IRAG2: variants seen among roughly 807,000 people sequenced by gnomAD.
IRAG2 encodes the protein lymphoid restricted membrane protein.
A neutral mutation model predicts 69.9 loss-of-function variants in IRAG2; 45 were observed. The observed-to-expected ratio is 0.64, with a 90% CI of 0.51 to 0.83. The LOEUF is 0.83. IRAG2 is among the 40% of genes least tolerant of loss of function. The pLI is 0.00. For synonymous variants in IRAG2, 193 were observed against 202.4 expected (o/e 0.95, Z 0.40); for missense variants, 520 against 587.0 (o/e 0.89, Z 1.18).
At chr12:25,094,638 T>G (rs1035208995) in intron 14 of IRAG2, among the ~76,000 whole-genome samples, 1 of 152,188 alleles carries the variant, frequency 6.6e-6, no homozygotes, top group African/African-American at 2.4e-5. Context: ...GAGATGCCCT[T>G]GAATCTGTGT....
intron 1 of IRAG2, among the ~76,000 whole-genome samples, chr12:25,053,523 AT>A (rs1945000300): frequency 6.6e-6 from 1 of 151,892 alleles, no homozygotes; most frequent in Admixed American, 6.6e-5. Context: ...AATATTTGTC[AT>A]TTTTCTGTAT....
intron 1 of IRAG2, among the ~76,000 whole-genome samples, chr12:25,056,526 C>G (rs935303854): frequency 6.6e-6 from 1 of 152,186 alleles, no homozygotes; most frequent in Non-Finnish European, 1.5e-5. Flanking sequence ...ATCACATTGC[C>G]TCTCTGAGCT....
chr12:25,037,926 G>A (rs859201), intron 15 of IRAG2: 86 of 398,382 alleles, frequency 2.2e-4, no homozygotes, highest in African/African-American at 1.2e-3. Flanking sequence ...TCATTTGTCC[G>A]TGTTTAACAT....
At chr12:25,010,292 C>T (rs1944464319) in intron 2 of IRAG2, among the ~76,000 whole-genome samples, 1 of 152,148 alleles carries the variant, frequency 6.6e-6, no homozygotes, top group African/African-American at 2.4e-5. Flanking sequence ...GCCTGGGCAA[C>T]ATGGTGGAAT....
chr12:25,004,613 T>G, exon 1 of IRAG2: 1 of 1,232,096 alleles, frequency 8.1e-7, no homozygotes, highest in Non-Finnish European at 1.0e-6. Flanking sequence ...TCGCCTCAAA[T>G]AATATCTCCA....
At chr12:25,005,078 A>G (rs2139813614) in intron 1 of IRAG2, among the ~76,000 whole-genome samples, 1 of 152,242 alleles carries the variant, frequency 6.6e-6, no homozygotes, top group Non-Finnish European at 1.5e-5. Context: ...ACAAAACAGA[A>G]CGTCATGATG....
chr12:25,040,359 G>A (rs561084374), intron 16 of IRAG2, among the ~76,000 whole-genome samples: 1 of 152,218 alleles, frequency 6.6e-6, no homozygotes, highest in Non-Finnish European at 1.5e-5. Context: ...AATTTTAAAT[G>A]AGCTGGGCAT....
intron 1 of IRAG2, among the ~76,000 whole-genome samples, chr12:25,055,922 C>A (rs1005665846): frequency 2.0e-5 from 3 of 152,156 alleles, no homozygotes; most frequent in Non-Finnish European, 4.4e-5. Flanking sequence ...CTCTTGTTCC[C>A]ATCTGACGTG....
chr12:25,073,141 A>G (rs1404010280), intron 6 of IRAG2, among the ~76,000 whole-genome samples: 2 of 152,208 alleles, frequency 1.3e-5, no homozygotes, highest in East Asian at 3.9e-4. Context: ...CCAACTCAGA[A>G]AAAAACTAAG....
rs1945643437 is a variant in IRAG2, at chr12:25,061,615, G to T, written c.-423G>T. On this transcript the variant is annotated 5_prime_UTR_variant, in exon 2 of 22. Transcript: ENST00000556887. ...AGCAACAATTGAGTCACTTCAAAAG[G>T]AGTTCATTGAAGGGGAACACCATGG... is the stretch of plus-strand genomic sequence containing the variant. 2 of 398,456 alleles carry T rather than the reference G, an allele frequency of 5.0e-6. No homozygotes were observed. Among genetic ancestry groups the T allele is most frequent in the Non-Finnish European group, 8.8e-6 (2 of 226,050 alleles). 24.7% of individuals were successfully genotyped at this position (398,456 alleles called of 1,614,324 possible). A position where few individuals can be genotyped will look rare whatever the true frequency, so the allele number is the denominator to read the frequency against.
At chr12:25,008,572 C>G (rs1446594902) in intron 2 of IRAG2, among the ~76,000 whole-genome samples, 3 of 152,092 alleles carry the variant, frequency 2.0e-5, no homozygotes, top group African/African-American at 4.8e-5. Flanking sequence ...AACCCCACCT[C>G]TACTAAAAAT....
chr12:25,026,906 G>A, intron 9 of IRAG2: 1 of 995,872 alleles, frequency 1.0e-6, no homozygotes, highest in Non-Finnish European at 1.3e-6. Context: ...TTTTTTTTCT[G>A]TCAAACCAGT....
intron 5 of IRAG2, among the ~76,000 whole-genome samples, chr12:25,068,451 GT>G (rs1478740316): frequency 6.6e-6 from 1 of 152,100 alleles, no homozygotes; most frequent in Non-Finnish European, 1.5e-5. Context: ...GTCCTTTCAG[GT>G]TTTTATGGAG....
intron 1 of IRAG2, among the ~76,000 whole-genome samples, chr12:25,055,546 G>A (rs1945189355): frequency 6.6e-6 from 1 of 152,112 alleles, no homozygotes; most frequent in Non-Finnish European, 1.5e-5. Context: ...CCATGTTGGT[G>A]TGCTGCACCC....
intron 2 of IRAG2, among the ~76,000 whole-genome samples, chr12:25,005,544 GT>G (rs1389536420): frequency 1.3e-5 from 2 of 152,130 alleles, no homozygotes; most frequent in Non-Finnish European, 2.9e-5. Context: ...TAATTTCCCT[GT>G]ACCTGTTTTG....
At position 25,105,071 on chromosome 12, in the gene IRAG2, GTTT is replaced by G. The variant is rs10583191; in HGVS notation, c.1148+630_1148+632del. ...AAGTGCCTAACCTTACTTGGTCTCAGTTTTTTTTTTTTTTTTTTTTTTTGAGAC... is the reference window on the plus strand; with the variant it reads ...AAGTGCCTAACCTTACTTGGTCTCAGTTTTTTTTTTTTTTTTTTTTGAGAC... On this transcript the variant is annotated intron_variant, in intron 20 of 21. Transcript: ENST00000556887. Among the ~76,000 whole-genome samples, 409 of 87,620 alleles carry G rather than the reference GTTT, an allele frequency of 4.7e-3. 3 individuals are homozygous for G. The highest frequency in any genetic ancestry group is 0.016 in the African/African-American group (376 of 23,004). 57.5% of individuals were successfully genotyped at this position (87,620 alleles called of 152,430 possible). A position where few individuals can be genotyped will look rare whatever the true frequency, so the allele number is the denominator to read the frequency against.
intron 15 of IRAG2, 144 bp from the exon 16 acceptor site, chr12:25,101,034 A>T (rs1247845148): frequency 1.9e-5 from 11 of 568,586 alleles, no homozygotes; most frequent in African/African-American, 3.9e-5. Flanking sequence ...TTGCCCCTGT[A>T]GATGCATGTC....
At chr12:25,013,823 C>T (rs1048295383) in intron 3 of IRAG2, among the ~76,000 whole-genome samples, 4 of 146,928 alleles carry the variant, frequency 2.7e-5, no homozygotes, top group South Asian at 2.2e-4. Context: ...TATGCCAAAA[C>T]GATTATTTTT....
chr12:25,048,389 CAGG>C (rs1283939349), upstream of IRAG2, among the ~76,000 whole-genome samples: 2 of 152,108 alleles, frequency 1.3e-5, no homozygotes, highest in Non-Finnish European at 1.5e-5. Flanking sequence ...CTCCACCTCC[CAGG>C]TTCAAGCGAT....
Sources: gnomAD v4.1 joint callset for allele counts (sites outside exome capture counted in the v4.1 genomes callset) on GRCh38, gnomAD v4.1.1 for gene constraint, MANE v1.5 for transcripts, NCBI Gene and HGNC (gene_info 2026-07-23, HGNC 2026-07-21) for gene names.